TMEM67: variants seen among roughly 807,000 people sequenced by gnomAD.
TMEM67 encodes meckelin.
In TMEM67, 124 loss-of-function variants were observed where a neutral mutation model predicts 136.6. The observed-to-expected ratio is 0.91, with a 90% CI of 0.78 to 1.05. The LOEUF is 1.05. TMEM67 is among the 50% of genes least tolerant of loss of function. The pLI is 0.00. For synonymous variants in TMEM67, 364 were observed against 390.5 expected (o/e 0.93, Z 0.80); for missense variants, 1,107 against 1,178.4 (o/e 0.94, Z 0.89).
the TMEM67 span, among the ~76,000 whole-genome samples, chr8:93,828,260 T>G: frequency 1.3e-5 from 2 of 152,132 alleles, no homozygotes. Context: ...TCCTACCTCT[T>G]AAAAGAACAT....
At chr8:93,768,727 G>A (rs919413920) in intron 6 of TMEM67, among the ~76,000 whole-genome samples, 1 of 152,044 alleles carries the variant, frequency 6.6e-6, no homozygotes, top group African/African-American at 2.4e-5. Context: ...CCAGGGGTGA[G>A]GAATCTGGGG....
chr8:93,809,327 A>G (rs1035711351), intron 25 of TMEM67, among the ~76,000 whole-genome samples, 166 bp downstream of exon 25: 4 of 152,170 alleles, frequency 2.6e-5, no homozygotes, highest in African/African-American at 9.6e-5. Flanking sequence ...TAGGAATAAT[A>G]TATTTTTAAA....
At chr8:93,812,559 C>A (rs1808742857) in intron 26 of TMEM67, among the ~76,000 whole-genome samples, 1 of 152,286 alleles carries the variant, frequency 6.6e-6, no homozygotes, top group African/African-American at 2.4e-5. Context: ...CTGACTCTAC[C>A]ATTTACTGGC....
At chr8:93,756,798 A>G (rs1336365527) in intron 2 of TMEM67, 1 of 152,330 alleles carries the variant, frequency 6.6e-6, no homozygotes, top group Non-Finnish European at 1.5e-5. Flanking sequence ...TGTATAGGCC[A>G]GGCACAGTGG....
In TMEM67 at chr8:93,803,649, A is replaced by G. The variant is rs1034905941; in HGVS notation, c.2287A>G (p.Ile763Val). Reference protein sequence around the residue: ...VFYERFIEDKIRQFVDLCSMS... With the variant: ...VFYERFIEDKVRQFVDLCSMS... ...TTATGAGAGATTTATAGAAGATAAA[A>G]TTCGACAGTTCGTTGATTTATGCTC... The change falls in exon 22 of 28, where the codon ATT (isoleucine) becomes GTT (valine). Residue 763 changes from isoleucine (I) to valine (V), a missense_variant. Around this residue, in one of 3 missense-constraint regions of TMEM67, gnomAD observed 925 missense variants for 1,002.4 expected, o/e 0.92. Transcript: ENST00000453321. 1 of 1,605,248 alleles carries G rather than the reference A, an allele frequency of 6.2e-7. No individual in the cohort carries two copies.
rs553442637 is a variant in TMEM67, at chr8:93,817,213, T to G, written c.*761T>G. On this transcript the variant is annotated 3_prime_UTR_variant, in exon 28 of 28. Transcript: ENST00000453321. ...GAGTTCTCTTCCAGAGTTTTGCTTT[T>G]CAATTACGTTTAAAGACTGTAAATA... 5 of 152,370 alleles carry G rather than the reference T, an allele frequency of 3.3e-5. No homozygotes were observed. The South Asian group carries it at 6.2e-4, about 19-fold the overall frequency. The allele number at this position is 152,370 out of a possible 1,614,324, so 9.4% of individuals were successfully genotyped here.
chr8:93,762,648 G>C (rs1812900355), intron 3 of TMEM67, among the ~76,000 whole-genome samples: 2 of 151,952 alleles, frequency 1.3e-5, no homozygotes, highest in African/African-American at 4.8e-5. Context: ...GTATTTGGGG[G>C]GTGTATTCTT....
chr8:93,763,900 A>C lies in TMEM67; in HGVS notation c.465A>C (p.Gly155=), dbSNP rs1222375862. 1 of 1,613,926 alleles carries C rather than the reference A, an allele frequency of 6.2e-7. No individual in the cohort carries two copies. Among genetic ancestry groups the C allele is most frequent in the Non-Finnish European group, 8.5e-7 (1 of 1,179,860 alleles). Residue 155 remains glycine, a synonymous_variant, in exon 4 of 28, where the codon GGA becomes GGC. Transcript: ENST00000453321. The part of the protein sequence containing the change: ...LSQATCELCD[G]NENSFMVVNA... Reference sequence around the variant, plus strand: ...AAGCAACTTGTGAGCTCTGTGATGGAAATGAAAACTCTTTTATGGTAGTAA... The same window carrying C: ...AAGCAACTTGTGAGCTCTGTGATGGCAATGAAAACTCTTTTATGGTAGTAA...
rs775026444 is a variant in TMEM67, at chr8:93,785,334, T to C, written c.1244T>C (p.Val415Ala). The C allele has an allele frequency of 8.7e-6, 14 of 1,612,190 alleles. No individual in the cohort carries two copies. The South Asian group carries it at 1.3e-4, about 15-fold the overall frequency. Reference sequence around the variant, plus strand: ...CATCAATATATTTTGGCTGTGCCTGTGTTAAACCTAAATCTTCAACATAAT... The same window carrying C: ...CATCAATATATTTTGGCTGTGCCTGCGTTAAACCTAAATCTTCAACATAAT... ...NQHQYILAVPVLNLNLQHNKI... is the reference protein window; with the variant it reads ...NQHQYILAVPALNLNLQHNKI... Residue 415 changes from valine (V) to alanine (A), a missense_variant, in exon 12 of 28, where the codon GTG becomes GCG. This residue lies in a region of TMEM67 where 925 missense variants were observed against 1,002.4 expected (regional missense o/e 0.92). Transcript: ENST00000453321.
chr8:93,759,377 C>G (rs532848698), intron 3 of TMEM67: 1 of 149,740 alleles, frequency 6.7e-6, no homozygotes, highest in African/African-American at 2.5e-5. Context: ...GTGGGAAGAT[C>G]GCTTGAGCCT....
chr8:93,787,340 TCAAA>T (rs201593618), intron 13 of TMEM67, among the ~76,000 whole-genome samples: 2,539 of 152,244 alleles, frequency 0.017, 32 homozygotes, highest in Non-Finnish European at 0.027. Flanking sequence ...ACTCCTGGGC[TCAAA>T]CAGTCTTCCC....
Position 93,785,343 on chromosome 8 carries a change from T to G in TMEM67, c.1253T>G (p.Leu418Arg). The G allele has an allele frequency of 1.2e-6, 2 of 1,612,238 alleles. No individual in the cohort carries two copies. Among genetic ancestry groups the G allele is most frequent in the Non-Finnish European group, 1.7e-6 (2 of 1,178,788 alleles). ...QYILAVPVLN[L>R]NLQHNKIFVN... is the part of the protein sequence containing the mutation. ...ATTTTGGCTGTGCCTGTGTTAAACCTAAATCTTCAACATAATAAGATATTT... is the reference window on the plus strand; with the variant it reads ...ATTTTGGCTGTGCCTGTGTTAAACCGAAATCTTCAACATAATAAGATATTT... The change falls in exon 12 of 28, where the codon CTA (leucine) becomes CGA (arginine). Residue 418 changes from leucine (L) to arginine (R), a missense_variant. Coordinates refer to ENST00000453321, the MANE Select transcript of TMEM67 (RefSeq NM_153704.6).
rs1367273993 is a variant in TMEM67 at position 93,816,794 on chromosome 8, G to C, written c.*342G>C. 6.3e-6 allele frequency: 1 copy of C among 159,762 alleles called. No individual in the cohort carries two copies. The highest frequency in any genetic ancestry group is 2.4e-5 in the African/African-American group (1 of 41,820). The allele number at this position is 159,762 out of a possible 1,614,324, so 9.9% of individuals were successfully genotyped here. A position where few individuals can be genotyped will look rare whatever the true frequency, so the allele number is the denominator to read the frequency against. On this transcript the variant is annotated 3_prime_UTR_variant, in exon 28 of 28. Transcript: ENST00000453321. Reference sequence around the variant, plus strand: ...CTGTAGATTATTTTATAAACTGAGAGCTGCCTGAATCTTCTCACATTGACA... The same window carrying C: ...CTGTAGATTATTTTATAAACTGAGACCTGCCTGAATCTTCTCACATTGACA...
chr8:93,799,701 C>A lies in TMEM67; in HGVS notation c.2184C>A (p.Ser728Arg), dbSNP rs1456669205. Residue 728 changes from serine (S) to arginine (R), a missense_variant, in exon 21 of 28, where the codon AGC becomes AGA. Physicochemically the swap from Ser to Arg is moderately radical, Grantham distance 110. Around this residue, in one of 3 missense-constraint regions of TMEM67, gnomAD observed 925 missense variants for 1,002.4 expected, o/e 0.92. Transcript: ENST00000453321. ...RNPPSYIAPYSCILRYAVSAA... is the reference protein window; with the variant it reads ...RNPPSYIAPYRCILRYAVSAA... ...CACCTAGCTACATAGCTCCTTATAGCTGCATTTTGAGATATGCAGTGTCTG... is the reference window on the plus strand; with the variant it reads ...CACCTAGCTACATAGCTCCTTATAGATGCATTTTGAGATATGCAGTGTCTG... 32 of 1,613,650 alleles carry A rather than the reference C, an allele frequency of 2.0e-5. No homozygotes were observed. Among genetic ancestry groups the A allele is most frequent in the Non-Finnish European group, 2.6e-5 (31 of 1,179,780 alleles).
In TMEM67 at chr8:93,817,879, G is replaced by A. The variant is rs1808966026; in HGVS notation, c.*1427G>A. Reference sequence around the variant, plus strand: ...ATAAAAGCTGCAGAGATAAATACATGTACTTATATGGCATGGATATTTAAA... The same window carrying A: ...ATAAAAGCTGCAGAGATAAATACATATACTTATATGGCATGGATATTTAAA... On this transcript the variant is annotated 3_prime_UTR_variant, in exon 28 of 28. Coordinates refer to ENST00000453321, the MANE Select transcript of TMEM67 (RefSeq NM_153704.6). 6.6e-6 allele frequency: 1 copy of A among 152,116 alleles called. No homozygotes were observed. Among genetic ancestry groups the A allele is most frequent in the South Asian group, 2.1e-4 (1 of 4,828 alleles). The allele number at this position is 152,116 out of a possible 1,614,324, so 9.4% of individuals were successfully genotyped here. A position where few individuals can be genotyped will look rare whatever the true frequency, so the allele number is the denominator to read the frequency against.
chr8:93,786,015 A>G (rs887688298), intron 12 of TMEM67, among the ~76,000 whole-genome samples: 1 of 152,178 alleles, frequency 6.6e-6, no homozygotes, highest in Non-Finnish European at 1.5e-5. Flanking sequence ...GAATGCATGC[A>G]GTGAGCCATG....
chr8:93,823,988 G>A (rs149327138), downstream of TMEM67, among the ~76,000 whole-genome samples: 234 of 152,320 alleles, frequency 1.5e-3, 2 homozygotes, highest in African/African-American at 5.1e-3. Context: ...CAAAGCCAAA[G>A]TCAATGATCT....
At chr8:93,826,560 A>C in the TMEM67 span, among the ~76,000 whole-genome samples, 1 of 152,168 alleles carries the variant, frequency 6.6e-6, no homozygotes, top group African/African-American at 2.4e-5. Flanking sequence ...TGGAAAGTAC[A>C]CTGAACTGGA....
At chr8:93,831,602 A>G in the TMEM67 span, among the ~76,000 whole-genome samples, 1 of 152,136 alleles carries the variant, frequency 6.6e-6, no homozygotes, top group South Asian at 2.1e-4. Context: ...CCCAAATATT[A>G]TGAAAAGCCC....
Sources: gnomAD v4.1 joint callset for allele counts (sites outside exome capture counted in the v4.1 genomes callset) on GRCh38, gnomAD v4.1.1 for gene constraint, gnomAD v4.1.1 regional missense constraint, MANE v1.5 for transcripts, NCBI Gene and HGNC (gene_info 2026-07-23, HGNC 2026-07-21) for gene names.